PXN: variants seen among roughly 807,000 people sequenced by gnomAD.
The protein encoded by PXN is testicular tissue protein Li 134.
In PXN, 61 loss-of-function variants were observed where a neutral mutation model predicts 103.6. The ratio of observed to expected loss-of-function variants is 0.59; its 90% CI spans 0.48 to 0.73. The LOEUF (loss-of-function observed/expected upper bound fraction) is 0.73. Ranked by LOEUF, PXN falls within the 30% of genes least tolerant of loss-of-function variation. PXN has a pLI of 0.00. For synonymous variants in PXN, 562 were observed against 607.8 expected (o/e 0.92, Z 1.11); for missense variants, 1,274 against 1,460.3 (o/e 0.87, Z 2.08).
At chr12:120,234,315 A>C (rs1056418971) in intron 1 of PXN, among the ~76,000 whole-genome samples, 1 of 152,126 alleles carries the variant, frequency 6.6e-6, no homozygotes, top group Non-Finnish European at 1.5e-5. Context: ...AGGCTGAGGC[A>C]GGAGAATGGC....
intron 1 of PXN, among the ~76,000 whole-genome samples, chr12:120,231,855 C>A (rs1888116664): frequency 6.6e-6 from 1 of 152,182 alleles, no homozygotes; most frequent in South Asian, 2.1e-4. Flanking sequence ...CACACAAGGC[C>A]CACCCATCAG....
intron 1 of PXN, among the ~76,000 whole-genome samples, chr12:120,240,281 G>T (rs2136497986): frequency 6.6e-6 from 1 of 152,228 alleles, no homozygotes; most frequent in East Asian, 1.9e-4. Flanking sequence ...ACAGATGGGG[G>T]ATGAGGAGCT....
rs1358482550 is a variant in PXN at position 120,219,609 on chromosome 12, T to G, written c.1314A>C (p.Pro438=). The change falls in exon 7 of 15, where the codon CCA becomes CCC. Residue 438 remains proline, a synonymous_variant. Coordinates refer to ENST00000637617, the MANE Select transcript of PXN (RefSeq NM_001385981.1). This position sits in a 1 kb window ranked among gnomAD's most constrained non-coding sequence, Gnocchi z 6.5. ...EEALAATWEQ[P]WASEVFGPER... is the part of the protein sequence containing the mutation. ...CAGGCCCGAATACCTCCGAAGCCCA[T>G]GGCTGCTCCCATGTGGCAGCCAAGG... The G allele has an allele frequency of 2.6e-6, 4 of 1,566,734 alleles. No individual in the cohort carries two copies. Among genetic ancestry groups the G allele is most frequent in the Non-Finnish European group, 3.4e-6 (4 of 1,164,086 alleles).
Position 120,219,958 on chromosome 12 carries a change from C to T in PXN, c.965G>A (p.Arg322Gln), listed in dbSNP as rs755417112. ...FLPPTTIPSP[R>Q]GQGHTPEFPC... Reference sequence around the variant, plus strand: ...GAACTCCGGAGTGTGGCCCTGGCCTCGAGGGGAGGGTATAGTGGTGGGTGG... The same window carrying T: ...GAACTCCGGAGTGTGGCCCTGGCCTTGAGGGGAGGGTATAGTGGTGGGTGG... Residue 322 changes from arginine (R) to glutamine (Q), a missense_variant, in exon 7 of 15, where the codon CGA (arginine) becomes CAA (glutamine). By Grantham distance (43) the Arg-to-Gln change is conservative (BLOSUM62 1). This residue lies in a region of PXN where 1,178 missense variants were observed against 1,309.0 expected (regional missense o/e 0.90). Transcript: ENST00000637617. This position sits in a 1 kb window ranked among gnomAD's most constrained non-coding sequence, Gnocchi z 6.5. 1.8e-5 allele frequency: 29 copies of T among 1,596,306 alleles called. No homozygotes were observed. The highest frequency in any genetic ancestry group is 1.2e-4 in the South Asian group (11 of 91,034).
At chr12:120,256,127 G>A in intron 1 of PXN, among the ~76,000 whole-genome samples, 1 of 151,454 alleles carries the variant, frequency 6.6e-6, no homozygotes, top group African/African-American at 2.4e-5. Context: ...GAGGGAAACA[G>A]GCAAGACACA....
At position 120,225,955 on chromosome 12, in the gene PXN, C is replaced by T. The variant is rs1006612470; in HGVS notation, c.14-1578G>A. On this transcript the variant is annotated intron_variant, in intron 1 of 14. Coordinates refer to ENST00000637617, the MANE Select transcript of PXN (RefSeq NM_001385981.1). The surrounding 1 kb of genome is among the most constrained non-coding windows in gnomAD (Gnocchi z 4.4). ...ACAGAGGGGATGTCTGTTCCAAGGC[C>T]CAGGACCCCGGGTCTGGTCGCCTGA... 1.5e-5 allele frequency: 10 copies of T among 670,122 alleles called. No individual in the cohort carries two copies. The Admixed American group carries it at 4.6e-4, about 31-fold the overall frequency. The allele number at this position is 670,122 out of a possible 1,614,324, so 41.5% of individuals were successfully genotyped here.
Position 120,265,625 on chromosome 12 carries a change from T to A in PXN, c.5A>T (p.Asp2Val). Reference sequence around the variant, plus strand: ...GCCTCCCGCTCACTCACCGAGGTCGTCCATGGCCGGACCACGGGCGCCGGC... The same window carrying A: ...GCCTCCCGCTCACTCACCGAGGTCGACCATGGCCGGACCACGGGCGCCGGC... M[D>V]DLDALLADLE... Residue 2 changes from aspartate (D) to valine (V), a missense_variant, in exon 1 of 15, where the codon GAC becomes GTC. Asp to Val is a radical substitution (Grantham distance 152, BLOSUM62 -3). Transcript: ENST00000637617. This position sits in a 1 kb window ranked among gnomAD's most constrained non-coding sequence, Gnocchi z 5.7. 6.7e-7 allele frequency: 1 copy of A among 1,481,542 alleles called. No individual in the cohort carries two copies. 91.8% of individuals were successfully genotyped at this position (1,481,542 alleles called of 1,614,324 possible). A position where few individuals can be genotyped will look rare whatever the true frequency, so the allele number is the denominator to read the frequency against.
chr12:120,212,155 G>C lies in PXN; in HGVS notation c.*159C>G. ...CTCTGGCAGGGGTGAAGACAAGCAGGGGGACCCCTCACGGCCCTCTGTCCA... is the reference window on the plus strand; with the variant it reads ...CTCTGGCAGGGGTGAAGACAAGCAGCGGGACCCCTCACGGCCCTCTGTCCA... On this transcript the variant is annotated 3_prime_UTR_variant, in exon 15 of 15. Coordinates refer to ENST00000637617, the MANE Select transcript of PXN (RefSeq NM_001385981.1). This position sits in a 1 kb window ranked among gnomAD's most constrained non-coding sequence, Gnocchi z 7.2. The C allele has an allele frequency of 9.0e-7, 1 of 1,117,086 alleles. No individual in the cohort carries two copies. The highest frequency in any genetic ancestry group is 1.3e-6 in the Non-Finnish European group (1 of 766,792). 69.2% of individuals were successfully genotyped at this position (1,117,086 alleles called of 1,614,324 possible).
Position 120,228,222 on chromosome 12 carries a change from C to T in PXN, c.14-3845G>A, listed in dbSNP as rs1216287552. ...CTCAAATTTCCTTGGCATTACTCTACTAAGTTTCCAGGTCCAGGCCTGGGG... is the reference window on the plus strand; with the variant it reads ...CTCAAATTTCCTTGGCATTACTCTATTAAGTTTCCAGGTCCAGGCCTGGGG... On this transcript the variant is annotated intron_variant, in intron 1 of 14. Coordinates refer to ENST00000637617, the MANE Select transcript of PXN (RefSeq NM_001385981.1). This position sits in a 1 kb window ranked among gnomAD's most constrained non-coding sequence, Gnocchi z 4.7. 6.6e-6 allele frequency among the ~76,000 whole-genome samples: 1 copy of T among 152,214 alleles called. No individual in the cohort carries two copies.
At chr12:120,241,423 G>A (rs1050263161) in intron 1 of PXN, among the ~76,000 whole-genome samples, 2 of 152,212 alleles carry the variant, frequency 1.3e-5, no homozygotes, top group African/African-American at 4.8e-5. Flanking sequence ...ACCTGCACCT[G>A]TCTCACGTGC....
intron 1 of PXN, among the ~76,000 whole-genome samples, chr12:120,249,589 T>A (rs1309298017): frequency 6.6e-6 from 1 of 152,138 alleles, no homozygotes; most frequent in Non-Finnish European, 1.5e-5. Flanking sequence ...AACAGCTGTC[T>A]CCTGGTCACT....
At chr12:120,231,703 T>C (rs998386801) in intron 1 of PXN, among the ~76,000 whole-genome samples, 1 of 152,218 alleles carries the variant, frequency 6.6e-6, no homozygotes, top group Non-Finnish European at 1.5e-5. Flanking sequence ...AGACTGGCTT[T>C]ATTGGCTGCC....
rs779406125 is a variant in PXN at position 120,222,334 on chromosome 12, G to A, written c.695+215C>T. 9.8e-5 allele frequency among the ~76,000 whole-genome samples: 15 copies of A among 152,340 alleles called. No homozygotes were observed. Among genetic ancestry groups the A allele is most frequent in the South Asian group, 6.2e-4 (3 of 4,832 alleles). On this transcript the variant is annotated intron_variant, in intron 5 of 14. Transcript: ENST00000637617. The surrounding 1 kb of genome is among the most constrained non-coding windows in gnomAD (Gnocchi z 4.7). ...TGCTAAGAGCTGCTAAGCTCCAGGC[G>A]CCCTCAGCCTGCACAACGTCTGTCC...
At chr12:120,259,992 G>A (rs1470436392) in intron 1 of PXN, among the ~76,000 whole-genome samples, 1 of 152,184 alleles carries the variant, frequency 6.6e-6, no homozygotes, top group Non-Finnish European at 1.5e-5. Context: ...CAGCGGGGCT[G>A]GGGGCACAGG....
chr12:120,247,903 T>C (rs1891442656), intron 1 of PXN: 1 of 152,210 alleles, frequency 6.6e-6, no homozygotes, highest in Admixed American at 6.5e-5. Context: ...GACAGGAATA[T>C]TACCAGAGGT....
rs370273228 is a variant in PXN at position 120,224,721 on chromosome 12, T to C, written c.14-344A>G. Reference sequence around the variant, plus strand: ...CGCGAGTGAAGTGCCTGTCTGGAACTCTGAATCTGCAGGGCAACGCGGAGA... The same window carrying C: ...CGCGAGTGAAGTGCCTGTCTGGAACCCTGAATCTGCAGGGCAACGCGGAGA... On this transcript the variant is annotated intron_variant, in intron 1 of 14. Coordinates refer to ENST00000637617, the MANE Select transcript of PXN (RefSeq NM_001385981.1). The surrounding 1 kb of genome is among the most constrained non-coding windows in gnomAD (Gnocchi z 5.0). The C allele has an allele frequency of 1.8e-6, 1 of 545,528 alleles. No individual in the cohort carries two copies. The highest frequency in any genetic ancestry group is 3.5e-6 in the Non-Finnish European group (1 of 285,248). The allele number at this position is 545,528 out of a possible 1,614,324, so 33.8% of individuals were successfully genotyped here.
chr12:120,260,777 G>A (rs1893760120), intron 1 of PXN, among the ~76,000 whole-genome samples: 1 of 152,168 alleles, frequency 6.6e-6, no homozygotes, highest in African/African-American at 2.4e-5. Context: ...AACAGCCTGG[G>A]AAACATGGTG....
chr12:120,249,444 A>C (rs1035833496), intron 1 of PXN, among the ~76,000 whole-genome samples: 1 of 152,148 alleles, frequency 6.6e-6, no homozygotes, highest in Admixed American at 6.6e-5. Flanking sequence ...GAGAAGAGGA[A>C]GGACAGAGCC....
chr12:120,258,083 C>T (rs1437114499), intron 1 of PXN, among the ~76,000 whole-genome samples: 1 of 152,000 alleles, frequency 6.6e-6, no homozygotes, highest in Non-Finnish European at 1.5e-5. Context: ...ATCCTAGCTA[C>T]TGCGGAGGCT....
Sources: allele counts gnomAD v4.1 joint callset (sites outside exome capture counted in the v4.1 genomes callset), GRCh38; gene constraint gnomAD v4.1.1; regional missense constraint gnomAD v4.1.1; non-coding constraint Gnocchi (gnomAD v3.1); transcripts MANE v1.5; gene names NCBI Gene and HGNC (gene_info 2026-07-23, HGNC 2026-07-21).